MFAP3: variants seen among roughly 807,000 people sequenced by gnomAD.
MFAP3 encodes microfibril-associated glycoprotein 3.
MFAP3 carries 8 observed loss-of-function variants against 20.5 expected under a neutral mutation model. The observed-to-expected ratio is 0.39, with a 90% CI of 0.23 to 0.70. MFAP3 has a LOEUF of 0.70. MFAP3 is among the 30% of genes least tolerant of loss of function. The pLI is 0.44. For synonymous variants in MFAP3, 140 were observed against 154.0 expected (o/e 0.91, Z 0.67); for missense variants, 398 against 444.6 (o/e 0.90, Z 0.94).
chr5:154,054,047 A>G lies in MFAP3; in HGVS notation c.*334A>G, dbSNP rs960051102. ...CTTCCATTGGTTGGATCTGATACTT[A>G]TCTTGGGACTTCAGTTTTTCCGTCA... On this transcript the variant is annotated 3_prime_UTR_variant, in exon 3 of 3. Transcript: ENST00000522782. 4.5e-6 allele frequency: 1 copy of G among 221,706 alleles called. No homozygotes were observed. Among genetic ancestry groups the G allele is most frequent in the East Asian group, 1.1e-4 (1 of 8,986 alleles). The allele number at this position is 221,706 out of a possible 1,614,324, so 13.7% of individuals were successfully genotyped here.
chr5:154,040,419 T>G (rs1772902907), intron 1 of MFAP3, among the ~76,000 whole-genome samples: 1 of 152,226 alleles, frequency 6.6e-6, no homozygotes, highest in African/African-American at 2.4e-5. Flanking sequence ...TTTTCGTAAC[T>G]TCTACCTTCA....
chr5:154,056,967 A>G lies in MFAP3; in HGVS notation c.*3254A>G, dbSNP rs755221068. 8.5e-5 allele frequency among the ~76,000 whole-genome samples: 13 copies of G among 152,196 alleles called. No individual in the cohort carries two copies. Among genetic ancestry groups the G allele is most frequent in the South Asian group, 2.1e-4 (1 of 4,830 alleles). On this transcript the variant is annotated 3_prime_UTR_variant, in exon 3 of 3. Transcript: ENST00000522782. Reference sequence around the variant, plus strand: ...TAACAAATATTTTAAGGTCAAAGCAATATCTGTGCACGGCTTTCCTTTTGC... The same window carrying G: ...TAACAAATATTTTAAGGTCAAAGCAGTATCTGTGCACGGCTTTCCTTTTGC...
intron 1 of MFAP3, among the ~76,000 whole-genome samples, chr5:154,043,742 A>ATATATTT (rs149312866): frequency 1.2e-4 from 17 of 142,946 alleles, no homozygotes; most frequent in Non-Finnish European, 3.1e-5. Context: ...ATATATATAT[A>ATATATTT]TTTTTTTTTC....
intron 1 of MFAP3, among the ~76,000 whole-genome samples, chr5:154,047,171 G>T (rs1352758473): frequency 1.3e-5 from 2 of 152,100 alleles, no homozygotes; most frequent in East Asian, 3.9e-4. Flanking sequence ...TGAAGAATAG[G>T]TGCTGCACAC....
At chr5:154,041,156 CAAGAGGGTGGGCAT>C (rs1425388226) in intron 1 of MFAP3, among the ~76,000 whole-genome samples, 1 of 150,018 alleles carries the variant, frequency 6.7e-6, no homozygotes, top group African/African-American at 2.4e-5. Flanking sequence ...ACTCATCTGA[CAAGAGGGTGGGCAT>C]GAGAGGGTTT....
rs554354490 is a variant in MFAP3, at chr5:154,051,308, A to G, written c.295+1291A>G. Among the ~76,000 whole-genome samples, 18 of 152,346 alleles carry G rather than the reference A, an allele frequency of 1.2e-4. No homozygotes were observed. The East Asian group carries it at 3.3e-3, about 28-fold the overall frequency. ...AGTGTCATCACTGTAGACTGACTGC[A>G]TAAACAAAGCCTTAGGTTAAAACAA... On this transcript the variant is annotated intron_variant, in intron 2 of 2. Transcript: ENST00000522782.
At chr5:154,041,132 C>CAAAAAA (rs1176053953) in intron 1 of MFAP3, among the ~76,000 whole-genome samples, 1 of 111,658 alleles carries the variant, frequency 9.0e-6, no homozygotes, top group Non-Finnish European at 1.9e-5. Context: ...ACTGACAGAG[C>CAAAAAA]AAAAAAAAAA....
At position 154,053,755 on chromosome 5, in the gene MFAP3, C is replaced by T. The variant is rs1238240533; in HGVS notation, c.*42C>T. ...CCAGTACCTACAAAATCAGCTCGCT[C>T]TCAGAAAAGGAACCTGTTTCTTAGA... On this transcript the variant is annotated 3_prime_UTR_variant, in exon 3 of 3. Transcript: ENST00000522782. The T allele has an allele frequency of 5.9e-6, 9 of 1,515,430 alleles. No individual in the cohort carries two copies. The highest frequency in any genetic ancestry group is 7.1e-6 in the Non-Finnish European group (8 of 1,125,174). The allele number at this position is 1,515,430 out of a possible 1,614,324, so 93.9% of individuals were successfully genotyped here. A position where few individuals can be genotyped will look rare whatever the true frequency, so the allele number is the denominator to read the frequency against.
chr5:154,056,208 T>G lies in MFAP3; in HGVS notation c.*2495T>G, dbSNP rs1400080149. 6.6e-6 allele frequency among the ~76,000 whole-genome samples: 1 copy of G among 152,218 alleles called. No individual in the cohort carries two copies. The highest frequency in any genetic ancestry group is 2.4e-5 in the African/African-American group (1 of 41,446). ...TGTATAGTAACTAAATGCATGCTAC[T>G]CCGTTGTATCCTAGTTATTTTAGAA... is the stretch of plus-strand genomic sequence containing the variant. On this transcript the variant is annotated 3_prime_UTR_variant, in exon 3 of 3. Transcript: ENST00000522782.
chr5:154,054,551 TA>T lies in MFAP3; in HGVS notation c.*839del, dbSNP rs1442438650. 1.4e-4 allele frequency: 23 copies of T among 167,018 alleles called. No homozygotes were observed. In the Admixed American group the frequency reaches 1.5e-3, roughly 11 times the overall value. 10.3% of individuals were successfully genotyped at this position (167,018 alleles called of 1,614,324 possible). A position where few individuals can be genotyped will look rare whatever the true frequency, so the allele number is the denominator to read the frequency against. On this transcript the variant is annotated 3_prime_UTR_variant, in exon 3 of 3. Coordinates refer to ENST00000522782, the MANE Select transcript of MFAP3 (RefSeq NM_005927.5). The stretch of plus-strand genomic sequence containing the variant: ...TAAGGTATAACGTCTTTGATGCTTT[TA>T]GAATAAGAACAGTGTCAAATCATCT...
intron 2 of MFAP3, among the ~76,000 whole-genome samples, chr5:154,050,617 T>TTTC (rs1216608202): frequency 6.7e-6 from 1 of 149,490 alleles, no homozygotes; most frequent in Non-Finnish European, 1.5e-5. Context: ...GCTCTTTTTT[T>TTTC]TTTTTTTTTT....
At chr5:154,043,490 G>A (rs939448156) in intron 1 of MFAP3, among the ~76,000 whole-genome samples, 1 of 151,942 alleles carries the variant, frequency 6.6e-6, no homozygotes, top group African/African-American at 2.4e-5. Context: ...GGTGGAGGTT[G>A]CAGTGAGCCG....
intron 2 of MFAP3, among the ~76,000 whole-genome samples, chr5:154,051,136 A>C (rs573874317): frequency 1.3e-5 from 2 of 152,216 alleles, no homozygotes; most frequent in African/African-American, 4.8e-5. Context: ...TTTAAAATAC[A>C]TAACTATTGA....
chr5:154,055,334 C>A lies in MFAP3; in HGVS notation c.*1621C>A, dbSNP rs972280932. Among the ~76,000 whole-genome samples the A allele has an allele frequency of 2.0e-5, 3 of 152,184 alleles. No individual in the cohort carries two copies. Among genetic ancestry groups the A allele is most frequent in the Non-Finnish European group, 4.4e-5 (3 of 68,026 alleles). On this transcript the variant is annotated 3_prime_UTR_variant, in exon 3 of 3. Transcript: ENST00000522782. ...CATGCCTCCCTTTGTCCAGGCTTAT[C>A]AGAAGTAATACATCTGCTCTGAATA... is the stretch of plus-strand genomic sequence containing the variant.
chr5:154,049,290 G>GA (rs770169508), intron 1 of MFAP3, among the ~76,000 whole-genome samples: 2 of 152,154 alleles, frequency 1.3e-5, no homozygotes, highest in Non-Finnish European at 2.9e-5. Context: ...TGACAGAGGA[G>GA]AAAACAGAAA....
chr5:154,045,765 G>A (rs1488627883), intron 1 of MFAP3, among the ~76,000 whole-genome samples: 2 of 152,270 alleles, frequency 1.3e-5, no homozygotes, highest in South Asian at 2.1e-4. Flanking sequence ...GTCACAGATC[G>A]TATTTGAATC....
rs759103854 is a variant in MFAP3, at chr5:154,049,844, A to G, written c.122A>G (p.Asn41Ser). 6.2e-7 allele frequency: 1 copy of G among 1,613,740 alleles called. No individual in the cohort carries two copies. Among genetic ancestry groups the G allele is most frequent in the South Asian group, 1.1e-5 (1 of 91,076 alleles). The change falls in exon 2 of 3, where the codon AAT becomes AGT. Residue 41 changes from asparagine (N) to serine (S), a missense_variant. Physicochemically the swap from Asn to Ser is conservative, Grantham distance 46 (BLOSUM62 1). Coordinates refer to ENST00000522782, the MANE Select transcript of MFAP3 (RefSeq NM_005927.5). ...VSLEANRSSY[N>S]ASFPSSFELS... ...CTGGAAGCAAATCGTAGTTCTTACA[A>G]TGCATCCTTTCCCTCAAGCTTTGAA...
intron 1 of MFAP3, among the ~76,000 whole-genome samples, chr5:154,048,414 T>G (rs1178310543): frequency 6.6e-6 from 1 of 152,202 alleles, no homozygotes; most frequent in African/African-American, 2.4e-5. Flanking sequence ...TAATTTAGAC[T>G]TTGAGATATT....
rs1219244136 is a variant in MFAP3, at chr5:154,057,375, T to C, written c.*3662T>C. ...TTTAATAAATACTTGCATTATAATT[T>C]TGTCTCTTTTTTAAAGAAAGTCATA... On this transcript the variant is annotated 3_prime_UTR_variant, in exon 3 of 3. Transcript: ENST00000522782. 6.6e-6 allele frequency among the ~76,000 whole-genome samples: 1 copy of C among 152,228 alleles called. No homozygotes were observed. Among genetic ancestry groups the C allele is most frequent in the African/African-American group, 2.4e-5 (1 of 41,452 alleles).
Sources: gnomAD v4.1 joint callset for allele counts (sites outside exome capture counted in the v4.1 genomes callset) on GRCh38, gnomAD v4.1.1 for gene constraint, MANE v1.5 for transcripts, NCBI Gene and HGNC (gene_info 2026-07-23, HGNC 2026-07-21) for gene names.